Variants in NSUN6 observed in about 807,000 individuals in gnomAD.
The protein encoded by NSUN6 is NOP2/Sun RNA methyltransferase 6.
Under a neutral mutation model 58.0 loss-of-function variants are expected in NSUN6, and 64 were observed. That is an observed-to-expected ratio of 1.10 (90% CI 0.90 to 1.36). The LOEUF (loss-of-function observed/expected upper bound fraction) is 1.36. NSUN6 is among the 40% of genes most tolerant of loss of function. NSUN6 has a pLI of 0.00. For missense variants in NSUN6, 701 were observed against 550.1 expected (o/e 1.27, Z -2.74); for synonymous variants, 231 against 193.9 (o/e 1.19, Z -1.59).
chr10:18,596,802 A>G (rs1179743801), intron 6 of NSUN6, among the ~76,000 whole-genome samples: 1 of 152,126 alleles, frequency 6.6e-6, no homozygotes, highest in Non-Finnish European at 1.5e-5. Context: ...TTTCATATAG[A>G]CATATCATCT....
At chr10:18,652,559 T>C, upstream of NSUN6, 2 of 984,722 alleles carry the variant, frequency 2.0e-6, no homozygotes, top group Non-Finnish European at 2.4e-6. Context: ...TGTTTATCAT[T>C]TTCTCTGCTC....
rs116906191 is a variant in NSUN6, at chr10:18,572,634, T to C, written c.922+13315A>G. On this transcript the variant is annotated intron_variant, in intron 8 of 10. Coordinates refer to ENST00000377304, the MANE Select transcript of NSUN6 (RefSeq NM_182543.5). Reference sequence around the variant, plus strand: ...TCATTCCATTCTCCTTTCCATTCTATTCTATTCTCCATTCCATTCTTCATT... The same window carrying C: ...TCATTCCATTCTCCTTTCCATTCTACTCTATTCTCCATTCCATTCTTCATT... Among the ~76,000 whole-genome samples the C allele has an allele frequency of 6.0e-4, 91 of 151,154 alleles. No homozygotes were observed. The East Asian group carries it at 0.015, about 24-fold the overall frequency.
At position 18,623,240 on chromosome 10, in the gene NSUN6, T is replaced by C. The variant is rs1172089419; in HGVS notation, c.312-6947A>G. 6.6e-5 allele frequency among the ~76,000 whole-genome samples: 10 copies of C among 152,288 alleles called. No homozygotes were observed. The South Asian group carries it at 1.5e-3, about 22-fold the overall frequency. ...TACTTTTAAAATTGTTTACTGTATA[T>C]AAAGTTTAACTGATGCATTTATAAT... On this transcript the variant is annotated intron_variant, in intron 3 of 10. Coordinates refer to ENST00000377304, the MANE Select transcript of NSUN6 (RefSeq NM_182543.5).
At chr10:18,561,054 T>G (rs1050725586) in intron 8 of NSUN6, among the ~76,000 whole-genome samples, 1 of 144,874 alleles carries the variant, frequency 6.9e-6, no homozygotes, top group Non-Finnish European at 1.5e-5. Flanking sequence ...CAGAATGGAA[T>G]GGAGGATGGT....
chr10:18,601,819 A>G (rs971722652), intron 6 of NSUN6, among the ~76,000 whole-genome samples: 14 of 151,850 alleles, frequency 9.2e-5, no homozygotes, highest in African/African-American at 3.4e-4. Flanking sequence ...TCTACTAAAA[A>G]TACAAAAATT....
At chr10:18,565,587 A>ATTCTATTCCATT (rs2055866462) in intron 8 of NSUN6, among the ~76,000 whole-genome samples, 1 of 145,552 alleles carries the variant, frequency 6.9e-6, no homozygotes, top group Non-Finnish European at 1.5e-5. Flanking sequence ...TCCATTCAGC[A>ATTCTATTCCATT]CTCTATTCCA....
At chr10:18,571,041 C>T (rs1222681830) in intron 8 of NSUN6, among the ~76,000 whole-genome samples, 1 of 151,354 alleles carries the variant, frequency 6.6e-6, no homozygotes, top group East Asian at 2.0e-4. Context: ...TCTCTACTTT[C>T]CATTCCACTC....
chr10:18,565,948 C>A (rs2055898093), intron 8 of NSUN6, among the ~76,000 whole-genome samples: 3 of 150,788 alleles, frequency 2.0e-5, no homozygotes, highest in African/African-American at 7.3e-5. Context: ...CCATTCCCTT[C>A]CATTCTCCAT....
At chr10:18,617,021 C>T (rs962122687) in intron 3 of NSUN6, among the ~76,000 whole-genome samples, 4 of 152,204 alleles carry the variant, frequency 2.6e-5, no homozygotes, top group Middle Eastern at 3.4e-3. Flanking sequence ...TGGTCCCAAA[C>T]ATTCTCATTG....
chr10:18,648,139 C>A (rs1026709487), intron 2 of NSUN6, among the ~76,000 whole-genome samples: 10 of 152,134 alleles, frequency 6.6e-5, no homozygotes, highest in Non-Finnish European at 1.3e-4. Flanking sequence ...ACCATCTGTC[C>A]TCCTGGTCAT....
At chr10:18,586,419 C>T (rs1437706603) in intron 7 of NSUN6, among the ~76,000 whole-genome samples, 1 of 152,170 alleles carries the variant, frequency 6.6e-6, no homozygotes, top group African/African-American at 2.4e-5. Flanking sequence ...GGTTCATGGT[C>T]TCCCTGACTT....
chr10:18,595,123 T>C (rs7075135), intron 7 of NSUN6, among the ~76,000 whole-genome samples: 29,969 of 152,056 alleles, frequency 0.2, 3,241 homozygotes, highest in South Asian at 0.31. Context: ...ACCAAGTGAA[T>C]GGGCCCACCC....
At chr10:18,583,789 TTGAAGAC>T (rs1554861272) in intron 8 of NSUN6, among the ~76,000 whole-genome samples, 2 of 152,206 alleles carry the variant, frequency 1.3e-5, no homozygotes, top group Non-Finnish European at 2.9e-5. Context: ...ATGAGCATAC[TTGAAGAC>T]AGATGAATAT....
intron 3 of NSUN6, among the ~76,000 whole-genome samples, chr10:18,637,373 T>A (rs2059252762): frequency 6.6e-6 from 1 of 152,228 alleles, no homozygotes; most frequent in African/African-American, 2.4e-5. Context: ...TATGTTCTGA[T>A]GAGTAGCCTA....
chr10:18,631,627 C>G (rs1276889427), intron 3 of NSUN6, among the ~76,000 whole-genome samples: 1 of 142,426 alleles, frequency 7.0e-6, no homozygotes, highest in Non-Finnish European at 1.5e-5. Context: ...AACAGAGAGC[C>G]AAATCATGAG....
intron 8 of NSUN6, among the ~76,000 whole-genome samples, chr10:18,556,667 T>C (rs1316760090): frequency 7.0e-6 from 1 of 143,882 alleles, no homozygotes; most frequent in Non-Finnish European, 1.5e-5. Flanking sequence ...GGGAATGGAA[T>C]AGAATGGGGA....
At chr10:18,634,387 G>A (rs1490702995) in intron 3 of NSUN6, among the ~76,000 whole-genome samples, 1 of 152,036 alleles carries the variant, frequency 6.6e-6, no homozygotes, top group Admixed American at 6.6e-5. Flanking sequence ...GCAAAGCACA[G>A]ACAAGATAAA....
intron 6 of NSUN6, among the ~76,000 whole-genome samples, chr10:18,609,145 C>T (rs1489545191): frequency 6.6e-6 from 1 of 151,984 alleles, no homozygotes; most frequent in East Asian, 1.9e-4. Flanking sequence ...CCCATCTCTA[C>T]AAAAACATCA....
intron 3 of NSUN6, among the ~76,000 whole-genome samples, chr10:18,621,345 A>G (rs2131390627): frequency 6.6e-6 from 1 of 152,214 alleles, no homozygotes; most frequent in South Asian, 2.1e-4. Context: ...ATATTCTTTC[A>G]CTGTAACAAA....
Sources: gnomAD v4.1 joint callset for allele counts (sites outside exome capture counted in the v4.1 genomes callset) on GRCh38, gnomAD v4.1.1 for gene constraint, MANE v1.5 for transcripts, NCBI Gene and HGNC (gene_info 2026-07-23, HGNC 2026-07-21) for gene names.